Variants in ZNF385D observed in about 807,000 individuals in gnomAD.
ZNF385D encodes the protein zinc finger protein 385D.
A neutral mutation model predicts 35.8 loss-of-function variants in ZNF385D; 15 were observed. That is an observed-to-expected ratio of 0.42 (90% CI 0.28 to 0.64). The LOEUF (loss-of-function observed/expected upper bound fraction) is 0.64. Ranked by LOEUF, ZNF385D falls within the 30% of genes least tolerant of loss-of-function variation. The pLI is 0.23. For missense variants in ZNF385D, 474 were observed against 494.6 expected, an observed-to-expected ratio of 0.96 and a Z score of 0.39; for synonymous variants, 212 against 186.8, an observed-to-expected ratio of 1.13 and a Z score of -1.10.
At chr3:21,632,461 T>C (rs2065309513) in intron 2 of ZNF385D, among the ~76,000 whole-genome samples, 1 of 152,160 alleles carries the variant, frequency 6.6e-6, no homozygotes, top group African/African-American at 2.4e-5. Context: ...TTGGGAAATA[T>C]ATTAAATTTT....
intron 3 of ZNF385D, among the ~76,000 whole-genome samples, chr3:21,559,059 G>C (rs1046131263): frequency 6.7e-6 from 1 of 148,580 alleles, no homozygotes; most frequent in African/African-American, 2.5e-5. Context: ...GAGCTTATGC[G>C]TGTTTTTACA....
Position 21,595,764 on chromosome 3 carries a change from T to C in ZNF385D, c.166-31080A>G, listed in dbSNP as rs543895190. On this transcript the variant is annotated intron_variant, in intron 2 of 7. Coordinates refer to ENST00000281523, the MANE Select transcript of ZNF385D (RefSeq NM_024697.3). ...AGTGATTTTTGAACAGCAGAAATAA[T>C]GATAAAGCTCTCTTAGAGAAGCAAA... is the stretch of plus-strand genomic sequence containing the variant. 4.6e-5 allele frequency among the ~76,000 whole-genome samples: 7 copies of C among 152,278 alleles called. 1 individual carries two copies. Among genetic ancestry groups the C allele is most frequent in the African/African-American group, 1.7e-4 (7 of 41,574 alleles).
At chr3:22,210,408 T>A (rs1048152221) in intron 2 of ZNF385D, among the ~76,000 whole-genome samples, 3 of 151,872 alleles carry the variant, frequency 2.0e-5, no homozygotes, top group African/African-American at 7.2e-5. Context: ...GCAAGTATAA[T>A]TTTATTTAAC....
At chr3:21,943,564 AAAG>A (rs1559777743) in intron 3 of ZNF385D, among the ~76,000 whole-genome samples, 3 of 150,458 alleles carry the variant, frequency 2.0e-5, no homozygotes, top group African/African-American at 5.0e-5. Flanking sequence ...TTAAATTATA[AAAG>A]AAAAATAGCA....
intron 3 of ZNF385D, among the ~76,000 whole-genome samples, chr3:21,515,409 T>C (rs1349423627): frequency 6.6e-6 from 1 of 152,204 alleles, no homozygotes; most frequent in African/African-American, 2.4e-5. Flanking sequence ...CCAATTAATT[T>C]TCATGAACAC....
chr3:21,568,907 T>C (rs1198047763), intron 2 of ZNF385D, among the ~76,000 whole-genome samples: 1 of 152,180 alleles, frequency 6.6e-6, no homozygotes, highest in East Asian at 1.9e-4. Flanking sequence ...AGCACTGAAT[T>C]AAAAACAAAA....
chr3:21,625,232 AG>A (rs2065103740), intron 2 of ZNF385D, among the ~76,000 whole-genome samples: 1 of 152,102 alleles, frequency 6.6e-6, no homozygotes, highest in African/African-American at 2.4e-5. Flanking sequence ...AGACTTCCTA[AG>A]TCTTCCCAAG....
chr3:21,726,539 C>T (rs1191362818), intron 1 of ZNF385D, among the ~76,000 whole-genome samples: 1 of 152,130 alleles, frequency 6.6e-6, no homozygotes, highest in Non-Finnish European at 1.5e-5. Flanking sequence ...CAATAACAAA[C>T]AGAGAGCCAA....
chr3:22,347,073 G>A (rs191890202), intron 2 of ZNF385D, among the ~76,000 whole-genome samples: 5 of 151,890 alleles, frequency 3.3e-5, no homozygotes, highest in African/African-American at 4.8e-5. Flanking sequence ...GTAAGACACT[G>A]CAAAAATGAA....
intron 4 of ZNF385D, among the ~76,000 whole-genome samples, chr3:21,499,198 G>A (rs376382467): frequency 2.8e-4 from 43 of 152,106 alleles, no homozygotes; most frequent in Non-Finnish European, 2.5e-4. Flanking sequence ...CTTGCAGTAC[G>A]ATTCACAATA....
intron 2 of ZNF385D, among the ~76,000 whole-genome samples, chr3:22,256,200 TAC>T (rs1453804900): frequency 7.0e-6 from 1 of 142,424 alleles, no homozygotes; most frequent in African/African-American, 2.8e-5. Context: ...CATACACACA[TAC>T]ATATATACAT....
intron 2 of ZNF385D, among the ~76,000 whole-genome samples, chr3:22,205,184 A>C (rs1697067745): frequency 6.6e-6 from 1 of 152,030 alleles, no homozygotes; most frequent in African/African-American, 2.4e-5. Context: ...TTCAGTGGAA[A>C]CTTTAAAGGC....
intron 3 of ZNF385D, among the ~76,000 whole-genome samples, chr3:21,916,584 A>C (rs867971152): frequency 6.6e-6 from 1 of 152,170 alleles, no homozygotes; most frequent in Non-Finnish European, 1.5e-5. Flanking sequence ...CTTTGGCATA[A>C]ATTTTTCTAG....
rs139624741 is a variant in ZNF385D at position 21,810,971 on chromosome 3, CGTGT to C, written c.326-145947_326-145944del. On this transcript the variant is annotated intron_variant, in intron 3 of 5. Coordinates refer to the ZNF385D transcript ENST00000494108. ...ACACACACACATATGTGTGTGTATA[CGTGT>C]GTGTGTGTGTGTGTGTGTGTGTGTA... Among the ~76,000 whole-genome samples the C allele has an allele frequency of 5.0e-3, 721 of 144,408 alleles. 5 individuals are homozygous for C. The highest frequency in any genetic ancestry group is 0.011 in the African/African-American group (412 of 38,778). 94.7% of individuals were successfully genotyped at this position (144,408 alleles called of 152,430 possible). A position where few individuals can be genotyped will look rare whatever the true frequency, so the allele number is the denominator to read the frequency against.
chr3:21,746,104 G>C (rs1049216350), intron 1 of ZNF385D, among the ~76,000 whole-genome samples: 4 of 152,148 alleles, frequency 2.6e-5, no homozygotes, highest in Non-Finnish European at 5.9e-5. Context: ...TATCAACGGA[G>C]CGTTCAGTCA....
intron 3 of ZNF385D, among the ~76,000 whole-genome samples, chr3:21,931,508 A>C (rs934459463): frequency 6.6e-6 from 1 of 152,254 alleles, no homozygotes; most frequent in Non-Finnish European, 1.5e-5. Context: ...CAAAACTTTA[A>C]GCAATCCAGA....
chr3:22,160,493 T>C (rs374551348), intron 3 of ZNF385D, among the ~76,000 whole-genome samples: 1 of 152,134 alleles, frequency 6.6e-6, no homozygotes, highest in African/African-American at 2.4e-5. Context: ...ACTATCAATG[T>C]TGCAGGAGAA....
At chr3:22,034,301 A>G (rs1459487961) in intron 3 of ZNF385D, among the ~76,000 whole-genome samples, 2 of 152,306 alleles carry the variant, frequency 1.3e-5, no homozygotes, top group East Asian at 1.9e-4. Context: ...TATGAAGACA[A>G]AACAAGAAGC....
chr3:22,215,312 AGC>A (rs968858280), intron 2 of ZNF385D, among the ~76,000 whole-genome samples: 14 of 152,108 alleles, frequency 9.2e-5, no homozygotes, highest in African/African-American at 3.4e-4. Flanking sequence ...ACCGCTGGTG[AGC>A]CAGGCAGAAC....
Sources: allele counts gnomAD v4.1 joint callset (sites outside exome capture counted in the v4.1 genomes callset), GRCh38; gene constraint gnomAD v4.1.1; transcripts MANE v1.5; gene names NCBI Gene and HGNC (gene_info 2026-07-23, HGNC 2026-07-21).